The following RBKS variants were observed in gnomAD, a reference collection of about 807,000 sequenced individuals.
RBKS encodes ribokinase.
In RBKS, 33 loss-of-function variants were observed where a neutral mutation model predicts 33.9. That is an observed-to-expected ratio of 0.97 (90% CI 0.74 to 1.30). The LOEUF (loss-of-function observed/expected upper bound fraction) is 1.30, where lower values mean the gene tolerates loss of function less well. Ranked by LOEUF, RBKS falls within the 50% of genes most tolerant of loss-of-function variation. RBKS has a pLI of 0.00. For synonymous variants in RBKS, 125 were observed against 143.0 expected (o/e 0.87, Z 0.90); for missense variants, 361 against 392.6 (o/e 0.92, Z 0.68).
intron 2 of RBKS, among the ~76,000 whole-genome samples, chr2:27,849,835 T>C (rs35841453): frequency 0.26 from 40,123 of 151,926 alleles, 6,236 homozygotes; most frequent in East Asian, 0.63. Flanking sequence ...TGGCCAGCCA[T>C]TTGCAGGGGC....
At chr2:27,818,107 C>G (rs753095255) in intron 7 of RBKS, among the ~76,000 whole-genome samples, 9 of 152,144 alleles carry the variant, frequency 5.9e-5, no homozygotes, top group Non-Finnish European at 1.2e-4. Context: ...GTGGGTGATA[C>G]AAGCTCCTGG....
chr2:27,830,293 C>G (rs1281020587), intron 6 of RBKS, among the ~76,000 whole-genome samples: 1 of 151,744 alleles, frequency 6.6e-6, no homozygotes, highest in Non-Finnish European at 1.5e-5. Context: ...ACAGAGTCTC[C>G]CTGTAGCCCA....
intron 7 of RBKS, among the ~76,000 whole-genome samples, chr2:27,814,930 C>G (rs537646528): frequency 6.6e-6 from 1 of 152,160 alleles, no homozygotes; most frequent in Non-Finnish European, 1.5e-5. Context: ...ACATTCTGTT[C>G]ACACACACAC....
intron 1 of RBKS, among the ~76,000 whole-genome samples, chr2:27,881,637 T>C (rs1664418737): frequency 6.6e-6 from 1 of 152,054 alleles, no homozygotes; most frequent in Non-Finnish European, 1.5e-5. Context: ...AAAAGAAAGC[T>C]GGAGGCATCA....
intron 7 of RBKS, among the ~76,000 whole-genome samples, chr2:27,799,108 T>G (rs1472856177): frequency 6.6e-6 from 1 of 152,180 alleles, no homozygotes; most frequent in African/African-American, 2.4e-5. Flanking sequence ...GAGCACACAC[T>G]GTCCCAGGAA....
chr2:27,808,568 G>A (rs1156465273), intron 7 of RBKS, among the ~76,000 whole-genome samples: 1 of 152,084 alleles, frequency 6.6e-6, no homozygotes, highest in African/African-American at 2.4e-5. Context: ...CACTATTGTT[G>A]ACAAATGGCT....
At chr2:27,879,608 G>A (rs528238808) in intron 1 of RBKS, among the ~76,000 whole-genome samples, 1 of 152,102 alleles carries the variant, frequency 6.6e-6, no homozygotes, top group South Asian at 2.1e-4. Flanking sequence ...AGAGAACCAC[G>A]AGCCAACACA....
chr2:27,867,433 A>C (rs1252985142), intron 1 of RBKS, among the ~76,000 whole-genome samples: 1 of 152,156 alleles, frequency 6.6e-6, no homozygotes, highest in African/African-American at 2.4e-5. Context: ...CCAGTTATGA[A>C]ATTTCCGAAT....
At chr2:27,855,929 C>T (rs1663849689) in intron 2 of RBKS, among the ~76,000 whole-genome samples, 1 of 152,074 alleles carries the variant, frequency 6.6e-6, no homozygotes, top group Admixed American at 6.6e-5. Flanking sequence ...TTTTCTTTTG[C>T]TCCTTCTGTT....
intron 7 of RBKS, among the ~76,000 whole-genome samples, chr2:27,787,641 C>T (rs1415714604): frequency 6.6e-6 from 1 of 152,148 alleles, no homozygotes; most frequent in South Asian, 2.1e-4. Context: ...AAACTCTAGA[C>T]TAGATGGCTT....
chr2:27,790,305 T>G (rs999775298), intron 7 of RBKS, among the ~76,000 whole-genome samples: 8 of 152,084 alleles, frequency 5.3e-5, no homozygotes, highest in African/African-American at 1.7e-4. Flanking sequence ...AGACAACAAT[T>G]AACTCAAAAT....
Position 27,781,387 on chromosome 2 carries a change from T to C in RBKS, c.*228A>G. Reference sequence around the variant, plus strand: ...AATTGAGGTTACTTGTCTTTATGTTTGTACAGATCTTGGTTGTGGAATCTT... The same window carrying C: ...AATTGAGGTTACTTGTCTTTATGTTCGTACAGATCTTGGTTGTGGAATCTT... On this transcript the variant is annotated 3_prime_UTR_variant, in exon 8 of 8. Transcript: ENST00000302188. 2.2e-6 allele frequency: 1 copy of C among 456,506 alleles called. No homozygotes were observed. Among genetic ancestry groups the C allele is most frequent in the African/African-American group, 2.0e-5 (1 of 49,780 alleles). 28.3% of individuals were successfully genotyped at this position (456,506 alleles called of 1,614,324 possible). A position where few individuals can be genotyped will look rare whatever the true frequency, so the allele number is the denominator to read the frequency against.
chr2:27,781,567 C>T lies in RBKS; in HGVS notation c.*48G>A, dbSNP rs917811337. The T allele has an allele frequency of 6.7e-7, 1 of 1,494,952 alleles. No homozygotes were observed. Among genetic ancestry groups the T allele is most frequent in the Admixed American group, 2.0e-5 (1 of 50,502 alleles). The allele number at this position is 1,494,952 out of a possible 1,614,324, so 92.6% of individuals were successfully genotyped here. On this transcript the variant is annotated 3_prime_UTR_variant, in exon 8 of 8. Transcript: ENST00000302188. The stretch of plus-strand genomic sequence containing the variant: ...AAGCATTAGCCAGGAGCAGCCACCC[C>T]CAAGTACATTTTATTCCCAGGTATA...
chr2:27,823,772 C>G (rs1162211243), intron 7 of RBKS, among the ~76,000 whole-genome samples: 1 of 152,164 alleles, frequency 6.6e-6, no homozygotes, highest in Non-Finnish European at 1.5e-5. Context: ...GCTGCTCCAC[C>G]TGGGGGATGC....
In RBKS at chr2:27,810,837, C is replaced by G. The variant is rs565380947; in HGVS notation, c.795+16730G>C. On this transcript the variant is annotated intron_variant, in intron 7 of 7. Coordinates refer to ENST00000302188, the MANE Select transcript of RBKS (RefSeq NM_022128.3). The surrounding 1 kb of genome is among the most constrained non-coding windows in gnomAD (Gnocchi z 4.4). ...GTCTCTGGACTGTTCTCCCTGACTC[C>G]AGTCTTGTAAACTCCAATTTATTCT... is the stretch of plus-strand genomic sequence containing the variant. Among the ~76,000 whole-genome samples the G allele has an allele frequency of 3.9e-5, 6 of 152,336 alleles. No individual in the cohort carries two copies. The South Asian group carries it at 1.0e-3, about 26-fold the overall frequency.
intron 1 of RBKS, chr2:27,869,738 G>A (rs1277920333): frequency 1.1e-5 from 2 of 184,890 alleles, no homozygotes; most frequent in Non-Finnish European, 2.1e-5. Flanking sequence ...GCAACTAGAC[G>A]GTCCTATCTG....
At chr2:27,840,900 T>A (rs1342261135) in intron 5 of RBKS, among the ~76,000 whole-genome samples, 2 of 152,210 alleles carry the variant, frequency 1.3e-5, no homozygotes, top group Non-Finnish European at 2.9e-5. Flanking sequence ...AAGGTTTTTC[T>A]GAGGGTAAAA....
At chr2:27,805,162 A>G (rs1558537419) in intron 7 of RBKS, among the ~76,000 whole-genome samples, 1 of 152,226 alleles carries the variant, frequency 6.6e-6, no homozygotes, top group Non-Finnish European at 1.5e-5. Flanking sequence ...CTTGGGCCAT[A>G]AAATACACTA....
intron 1 of RBKS, among the ~76,000 whole-genome samples, chr2:27,866,783 C>G (rs146741108): frequency 8.5e-5 from 13 of 152,184 alleles, no homozygotes; most frequent in Admixed American, 8.5e-4. Flanking sequence ...CTTTAAATCA[C>G]TGAGCATATT....
Sources: allele counts gnomAD v4.1 joint callset (sites outside exome capture counted in the v4.1 genomes callset), GRCh38; gene constraint gnomAD v4.1.1; non-coding constraint Gnocchi (gnomAD v3.1); transcripts MANE v1.5; gene names NCBI Gene and HGNC (gene_info 2026-07-23, HGNC 2026-07-21).